TRAPPC9: variants seen among roughly 807,000 people sequenced by gnomAD.
The protein encoded by TRAPPC9 is IKK2 binding protein.
TRAPPC9 carries 83 observed loss-of-function variants against 124.0 expected under a neutral mutation model. That is an observed-to-expected ratio of 0.67 (90% CI 0.56 to 0.80). The LOEUF is 0.80. TRAPPC9 is among the 30% of genes least tolerant of loss of function. TRAPPC9 has a pLI of 0.00. For synonymous variants in TRAPPC9, 638 were observed against 617.5 expected, an observed-to-expected ratio of 1.03 and a Z score of -0.49; for missense variants, 1,302 against 1,508.3, an observed-to-expected ratio of 0.86 and a Z score of 2.27.
At chr8:140,245,007 T>C (rs139055205) in intron 16 of TRAPPC9, among the ~76,000 whole-genome samples, 2,350 of 152,000 alleles carry the variant, frequency 0.015, 55 homozygotes, top group African/African-American at 0.054. Context: ...GGTTTCACCA[T>C]GTTGGCCAGG....
At chr8:139,741,146 A>G (rs1230357025) in intron 21 of TRAPPC9, among the ~76,000 whole-genome samples, 3 of 151,362 alleles carry the variant, frequency 2.0e-5, no homozygotes, top group Non-Finnish European at 3.0e-5. Context: ...TGGGCGTGAC[A>G]CTCCCCATTG....
chr8:140,037,174 G>A (rs1229924576), intron 17 of TRAPPC9, among the ~76,000 whole-genome samples: 1 of 151,750 alleles, frequency 6.6e-6, no homozygotes, highest in Non-Finnish European at 1.5e-5. Flanking sequence ...CAGGCTGCCC[G>A]GGCTCAGACC....
chr8:140,160,401 G>A lies in TRAPPC9; in HGVS notation c.2556+61058C>T, dbSNP rs148200018. 1.7e-3 allele frequency among the ~76,000 whole-genome samples: 256 copies of A among 152,204 alleles called. 2 individuals are homozygous for A. In the East Asian group the frequency reaches 0.017, roughly 10 times the overall value. ...GCAAAGACTTGGAACCAACCCAAACGTCCATCAATAAGAGACTAGATAAAG... is the reference window on the plus strand; with the variant it reads ...GCAAAGACTTGGAACCAACCCAAACATCCATCAATAAGAGACTAGATAAAG... On this transcript the variant is annotated intron_variant, in intron 17 of 22. Coordinates refer to ENST00000438773, the MANE Select transcript of TRAPPC9 (RefSeq NM_001160372.4).
In TRAPPC9 at chr8:140,258,082, G is replaced by A. The variant is rs535349964; in HGVS notation, c.2279-5153C>T. Among the ~76,000 whole-genome samples, 42 of 152,358 alleles carry A rather than the reference G, an allele frequency of 2.8e-4. 1 individual carries two copies. The highest frequency in any genetic ancestry group is 9.6e-4 in the African/African-American group (40 of 41,584). On this transcript the variant is annotated intron_variant, in intron 15 of 22. Transcript: ENST00000438773. ...GGTCTGACAGAGGAGGCAGAAATTA[G>A]GCAGAAAACTAGACACAAGACAACA...
At chr8:140,071,272 G>A (rs6986792) in intron 17 of TRAPPC9, among the ~76,000 whole-genome samples, 1 of 152,094 alleles carries the variant, frequency 6.6e-6, no homozygotes, top group African/African-American at 2.4e-5. Flanking sequence ...ACTGCTGGAG[G>A]CCAGGAACCT....
intron 21 of TRAPPC9, among the ~76,000 whole-genome samples, chr8:139,786,092 C>T (rs980302926): frequency 6.6e-6 from 1 of 152,048 alleles, no homozygotes; most frequent in African/African-American, 2.4e-5. Flanking sequence ...CCTGTAATTC[C>T]AGCTACTCTG....
chr8:139,750,616 C>T (rs1819248470), intron 21 of TRAPPC9, among the ~76,000 whole-genome samples: 1 of 152,224 alleles, frequency 6.6e-6, no homozygotes, highest in African/African-American at 2.4e-5. Context: ...CCAAAGCTGG[C>T]TTGTGGCCCC....
intron 19 of TRAPPC9, among the ~76,000 whole-genome samples, chr8:139,970,292 T>G (rs1009140080): frequency 6.6e-6 from 1 of 152,232 alleles, no homozygotes; most frequent in African/African-American, 2.4e-5. Flanking sequence ...TGCTGGGAAC[T>G]GCAGAACTCG....
intron 19 of TRAPPC9, among the ~76,000 whole-genome samples, chr8:139,913,412 T>C (rs900131337): frequency 2.2e-4 from 33 of 152,240 alleles, no homozygotes; most frequent in African/African-American, 7.5e-4. Flanking sequence ...CCCAACATCA[T>C]GGAGCTAGCA....
chr8:140,072,584 G>A (rs1843237053), intron 17 of TRAPPC9, among the ~76,000 whole-genome samples: 1 of 38,948 alleles, frequency 2.6e-5, no homozygotes, highest in Non-Finnish European at 5.2e-5. Flanking sequence ...AGGAGGAGGA[G>A]GAGAAGGGAA....
chr8:140,436,103 T>G (rs539984756), intron 3 of TRAPPC9, among the ~76,000 whole-genome samples: 15 of 152,354 alleles, frequency 9.8e-5, no homozygotes, highest in African/African-American at 3.6e-4. Flanking sequence ...CCCAGCACTT[T>G]GGGAAGCCAA....
intron 19 of TRAPPC9, among the ~76,000 whole-genome samples, chr8:139,986,681 G>A (rs1156520853): frequency 6.6e-6 from 1 of 152,162 alleles, no homozygotes; most frequent in Non-Finnish European, 1.5e-5. Context: ...ATCATTAACA[G>A]AGCTCAACAC....
chr8:140,375,687 C>T (rs1227155384), intron 7 of TRAPPC9, among the ~76,000 whole-genome samples: 1 of 152,212 alleles, frequency 6.6e-6, no homozygotes, highest in Non-Finnish European at 1.5e-5. Flanking sequence ...GTTCAAGAAA[C>T]AGAAATATCA....
chr8:140,258,124 G>A (rs550373724), intron 15 of TRAPPC9, among the ~76,000 whole-genome samples: 1 of 152,326 alleles, frequency 6.6e-6, no homozygotes, highest in Non-Finnish European at 1.5e-5. Context: ...GTCATGACCA[G>A]GTCAGTCTGT....
At chr8:139,963,735 A>C (rs1181969934) in intron 19 of TRAPPC9, among the ~76,000 whole-genome samples, 3 of 128,312 alleles carry the variant, frequency 2.3e-5, no homozygotes, top group African/African-American at 9.3e-5. Flanking sequence ...ATTCCCTCCG[A>C]GAACCAGTTC....
At chr8:139,781,894 C>T (rs1265118502) in intron 21 of TRAPPC9, among the ~76,000 whole-genome samples, 2 of 152,024 alleles carry the variant, frequency 1.3e-5, no homozygotes, top group Non-Finnish European at 2.9e-5. Flanking sequence ...GAACAAAGAA[C>T]AGTTGGGGAA....
intron 21 of TRAPPC9, among the ~76,000 whole-genome samples, chr8:139,833,599 G>C (rs1826128959): frequency 6.6e-6 from 1 of 152,264 alleles, no homozygotes; most frequent in Non-Finnish European, 1.5e-5. Flanking sequence ...CTAAACGCAG[G>C]CCTTGACGGG....
At chr8:140,081,151 C>T (rs953603136) in intron 17 of TRAPPC9, among the ~76,000 whole-genome samples, 1 of 152,132 alleles carries the variant, frequency 6.6e-6, no homozygotes, top group Admixed American at 6.5e-5. Context: ...AGCTGAGAAG[C>T]CTGCCCTCCT....
At chr8:139,887,962 T>C (rs1488932948) in intron 20 of TRAPPC9, among the ~76,000 whole-genome samples, 1 of 152,222 alleles carries the variant, frequency 6.6e-6, no homozygotes, top group Non-Finnish European at 1.5e-5. Context: ...CGCAGCACAG[T>C]GCAGTGGCTA....
Sources: gnomAD v4.1 joint callset for allele counts (sites outside exome capture counted in the v4.1 genomes callset) on GRCh38, gnomAD v4.1.1 for gene constraint, MANE v1.5 for transcripts, NCBI Gene and HGNC (gene_info 2026-07-23, HGNC 2026-07-21) for gene names.